KCND3: variants seen among roughly 807,000 people sequenced by gnomAD.
KCND3 encodes A-type voltage-gated potassium channel KCND3.
A neutral mutation model predicts 51.1 loss-of-function variants in KCND3; 9 were observed. The observed-to-expected ratio is 0.18, with a 90% CI of 0.11 to 0.31. The LOEUF is 0.31. Among genes scored for constraint, KCND3 ranks in the 10% least tolerant of loss-of-function variants. The probability of loss-of-function intolerance (pLI) is 1.00; values close to 1 mark genes in which losing one functional copy is unlikely to be tolerated. For synonymous variants in KCND3, 349 were observed against 368.0 expected (o/e 0.95, Z 0.59); for missense variants, 526 against 903.8 (o/e 0.58, Z 5.36).
At chr1:111,836,951 T>C (rs1333243689) in intron 2 of KCND3, among the ~76,000 whole-genome samples, 1 of 152,184 alleles carries the variant, frequency 6.6e-6, no homozygotes, top group Non-Finnish European at 1.5e-5. Context: ...TGTCTTGTAC[T>C]TTTCCCCACC....
chr1:111,788,731 T>C (rs77089172), intron 2 of KCND3, among the ~76,000 whole-genome samples: 1,683 of 152,302 alleles, frequency 0.011, 24 homozygotes, highest in African/African-American at 0.039. Context: ...GTTGAGAACA[T>C]GGATTCTGAA....
chr1:111,895,661 C>T (rs529084695), intron 2 of KCND3, among the ~76,000 whole-genome samples: 3 of 152,320 alleles, frequency 2.0e-5, no homozygotes, highest in South Asian at 2.1e-4. Flanking sequence ...CAGGGGGCTG[C>T]GGAGTAACCC....
chr1:111,867,855 AAG>A, intron 2 of KCND3, among the ~76,000 whole-genome samples: 1 of 152,236 alleles, frequency 6.6e-6, no homozygotes, highest in Non-Finnish European at 1.5e-5. Flanking sequence ...CTTCATAGGT[AAG>A]AGCACAGGCT....
intron 1 of KCND3, among the ~76,000 whole-genome samples, chr1:111,984,296 C>A (rs933295132): frequency 1.3e-5 from 2 of 152,182 alleles, no homozygotes; most frequent in Non-Finnish European, 2.9e-5. Context: ...TCCTGAGCTG[C>A]CACTGGACTT....
At chr1:111,803,475 T>A (rs1665415122) in intron 2 of KCND3, among the ~76,000 whole-genome samples, 1 of 152,138 alleles carries the variant, frequency 6.6e-6, no homozygotes, top group Non-Finnish European at 1.5e-5. Context: ...CTGCTGGTTG[T>A]GTGTGTGTTT....
At chr1:111,813,152 G>C (rs72981942) in intron 2 of KCND3, among the ~76,000 whole-genome samples, 11,719 of 152,062 alleles carry the variant, frequency 0.077, 759 homozygotes, top group African/African-American at 0.16. Flanking sequence ...GTGGGAGTGG[G>C]GGTATGGGAA....
chr1:111,883,457 A>C (rs1260427670), intron 2 of KCND3, among the ~76,000 whole-genome samples: 1 of 152,200 alleles, frequency 6.6e-6, no homozygotes, highest in Non-Finnish European at 1.5e-5. Context: ...TTCAGGGCTC[A>C]GCTCAAATGC....
chr1:111,955,371 A>G (rs1673276727), intron 2 of KCND3, among the ~76,000 whole-genome samples: 1 of 152,090 alleles, frequency 6.6e-6, no homozygotes, highest in African/African-American at 2.4e-5. Context: ...CCATGACTGC[A>G]TCATTGCACT....
At chr1:111,937,042 T>C (rs1672253545) in intron 2 of KCND3, among the ~76,000 whole-genome samples, 1 of 152,176 alleles carries the variant, frequency 6.6e-6, no homozygotes, top group Non-Finnish European at 1.5e-5. Context: ...CAGGAGAGAA[T>C]GCATAAACAT....
Position 111,899,725 on chromosome 1 carries a change from T to A in KCND3, c.1106+81896A>T, listed in dbSNP as rs534531634. Among the ~76,000 whole-genome samples the A allele has an allele frequency of 5.9e-5, 9 of 152,254 alleles. No homozygotes were observed. The South Asian group carries it at 8.3e-4, about 14-fold the overall frequency. Reference sequence around the variant, plus strand: ...GTGAGTGTGTGGGTGTGTGTCAGCATAGGGCAGTTGCAAAGGAAGGCAGGG... The same window carrying A: ...GTGAGTGTGTGGGTGTGTGTCAGCAAAGGGCAGTTGCAAAGGAAGGCAGGG... On this transcript the variant is annotated intron_variant, in intron 2 of 7. Transcript: ENST00000302127.
intron 2 of KCND3, among the ~76,000 whole-genome samples, chr1:111,956,818 C>T (rs958431494): frequency 2.0e-5 from 3 of 152,170 alleles, no homozygotes; most frequent in African/African-American, 7.2e-5. Flanking sequence ...GGACAGTAGC[C>T]CTATCCCTCC....
chr1:111,820,962 A>G (rs1303772287), intron 2 of KCND3, among the ~76,000 whole-genome samples: 1 of 152,200 alleles, frequency 6.6e-6, no homozygotes, highest in East Asian at 1.9e-4. Context: ...TCCAAGACCA[A>G]CCAACCCTGC....
chr1:111,890,200 G>A (rs1210313278), intron 2 of KCND3, among the ~76,000 whole-genome samples: 2 of 152,216 alleles, frequency 1.3e-5, no homozygotes, highest in African/African-American at 4.8e-5. Context: ...GGGATGAGTA[G>A]ATAAGGAGTC....
chr1:111,798,462 G>A (rs1665155549), intron 2 of KCND3, among the ~76,000 whole-genome samples: 1 of 151,988 alleles, frequency 6.6e-6, no homozygotes, highest in African/African-American at 2.4e-5. Context: ...TCCCCAAAAT[G>A]TCTATTTCCC....
In KCND3 at chr1:111,780,769, C is replaced by T. The variant is rs771703569; in HGVS notation, c.1292G>A (p.Arg431His). Residue 431 changes from arginine to histidine, a missense_variant, in exon 4 of 8, where the codon CGT (arginine) becomes CAT (histidine). Arg to His is a conservative substitution (Grantham distance 29, BLOSUM62 0). This residue lies in a region of KCND3 where 266 missense variants were observed against 305.5 expected (regional missense o/e 0.87). Coordinates refer to ENST00000302127, the MANE Select transcript of KCND3 (RefSeq NM_001378969.1). This position sits in a 1 kb window ranked among gnomAD's most constrained non-coding sequence, Gnocchi z 4.2. Reference sequence around the variant, plus strand: ...ATTCGAACTGCCTGTTTTGGCCACACGGATCCTGGCAAGGCGGGCCTTCTG... The same window carrying T: ...ATTCGAACTGCCTGTTTTGGCCACATGGATCCTGGCAAGGCGGGCCTTCTG... Reference protein sequence around the residue: ...AQKKARLARIRVAKTGSSNAY... With the variant: ...AQKKARLARIHVAKTGSSNAY... 7.2e-5 allele frequency: 116 copies of T among 1,613,260 alleles called. No homozygotes were observed. The highest frequency in any genetic ancestry group is 2.3e-4 in the African/African-American group (17 of 74,896).
chr1:111,846,778 A>C (rs1667570647), intron 2 of KCND3, among the ~76,000 whole-genome samples: 1 of 152,170 alleles, frequency 6.6e-6, no homozygotes, highest in African/African-American at 2.4e-5. Flanking sequence ...TTGTCACAAC[A>C]GTTTTGTGAA....
At chr1:111,832,219 T>C (rs1666864571) in intron 2 of KCND3, among the ~76,000 whole-genome samples, 1 of 152,200 alleles carries the variant, frequency 6.6e-6, no homozygotes, top group Admixed American at 6.5e-5. Flanking sequence ...ACAAGGCCTC[T>C]TTAAAAGGTG....
chr1:111,800,997 C>T (rs1408176697), intron 2 of KCND3, among the ~76,000 whole-genome samples: 1 of 152,250 alleles, frequency 6.6e-6, no homozygotes, highest in African/African-American at 2.4e-5. Context: ...TGTGTCTGGT[C>T]AAGCGGTGGA....
At chr1:111,863,783 G>C (rs1165860874) in intron 2 of KCND3, among the ~76,000 whole-genome samples, 1 of 152,182 alleles carries the variant, frequency 6.6e-6, no homozygotes, top group African/African-American at 2.4e-5. Context: ...AAAAACGGAG[G>C]CTGGACTAGA....
Sources: allele counts gnomAD v4.1 joint callset (sites outside exome capture counted in the v4.1 genomes callset), GRCh38; gene constraint gnomAD v4.1.1; regional missense constraint gnomAD v4.1.1; non-coding constraint Gnocchi (gnomAD v3.1); transcripts MANE v1.5; gene names NCBI Gene and HGNC (gene_info 2026-07-23, HGNC 2026-07-21).